The following PTBP1 variants were observed in gnomAD, a reference collection of about 807,000 sequenced individuals.
PTBP1 encodes polypyrimidine tract binding protein 1.
A neutral mutation model predicts 59.8 loss-of-function variants in PTBP1; 8 were observed. The ratio of observed to expected loss-of-function variants is 0.13; its 90% CI spans 0.08 to 0.24. The LOEUF is 0.24. Ranked by LOEUF, PTBP1 falls within the 10% of genes least tolerant of loss-of-function variation. The pLI is 1.00. For missense variants in PTBP1, 686 were observed against 767.0 expected, an observed-to-expected ratio of 0.89 and a Z score of 1.25; for synonymous variants, 490 against 320.7, an observed-to-expected ratio of 1.53 and a Z score of -5.64.
At chr19:797,789 C>G (rs189509960) in intron 1 of PTBP1, among the ~76,000 whole-genome samples, 1 of 148,602 alleles carries the variant, frequency 6.7e-6, no homozygotes, top group African/African-American at 2.4e-5. Context: ...GCGCGCGTCC[C>G]CGCACTTCGC....
intron 2 of PTBP1, among the ~76,000 whole-genome samples, chr19:801,660 C>T (rs2034339560): frequency 6.6e-6 from 1 of 152,244 alleles, no homozygotes; most frequent in Admixed American, 6.5e-5. Flanking sequence ...AGCCTCTGAG[C>T]TGGAGGGGAG....
In PTBP1 at chr19:808,469, GC is replaced by G; in HGVS notation, c.1246+21del. ...CCCAGCTGGGTAAGAGGCCGGGGCGGCCCCGGGGTGGAGGGGGCAGGGGCGG... is the reference window on the plus strand; with the variant it reads ...CCCAGCTGGGTAAGAGGCCGGGGCGGCCCGGGGTGGAGGGGGCAGGGGCGG... On this transcript the variant is annotated intron_variant, in intron 12 of 14. Coordinates refer to ENST00000356948, the MANE Select transcript of PTBP1 (RefSeq NM_002819.5). The surrounding 1 kb of genome is among the most constrained non-coding windows in gnomAD (Gnocchi z 4.7). 6.3e-7 allele frequency: 1 copy of G among 1,580,574 alleles called. No homozygotes were observed. Among genetic ancestry groups the G allele is most frequent in the Non-Finnish European group, 8.6e-7 (1 of 1,164,640 alleles).
At chr19:803,512 G>T (rs559762937) in intron 2 of PTBP1, 49 bp from the exon 3 acceptor site, 1 of 1,538,006 alleles carries the variant, frequency 6.5e-7, no homozygotes, top group Admixed American at 1.7e-5. Context: ...GGGAAGGGAG[G>T]CTCTGGCCTG....
chr19:805,406 G>A (rs2034521026), intron 8 of PTBP1, 86 bp from the exon 9 acceptor site: 10 of 1,389,848 alleles, frequency 7.2e-6, no homozygotes, highest in South Asian at 4.8e-5. Context: ...GCCGCCCGCC[G>A]GCCGGGTTGG....
At position 808,532 on chromosome 19, in the gene PTBP1, T is replaced by G; in HGVS notation, c.1247-14T>G. 6.4e-7 allele frequency: 1 copy of G among 1,572,846 alleles called. No homozygotes were observed. The highest frequency in any genetic ancestry group is 8.6e-7 in the Non-Finnish European group (1 of 1,161,998). Reference sequence around the variant, plus strand: ...CCTCTCGGGCGCCTGGTCACGCGGGTGCTGCTCCCCCAGCCATGAGCCACC... The same window carrying G: ...CCTCTCGGGCGCCTGGTCACGCGGGGGCTGCTCCCCCAGCCATGAGCCACC... On this transcript the variant is annotated splice_polypyrimidine_tract_variant and intron_variant, in intron 12 of 14. Transcript: ENST00000356948. This position sits in a 1 kb window ranked among gnomAD's most constrained non-coding sequence, Gnocchi z 4.7.
At position 805,330 on chromosome 19, in the gene PTBP1, T is replaced by C. The variant is rs2034514391; in HGVS notation, c.892+143T>C. The C allele has an allele frequency of 6.6e-6, 8 of 1,213,102 alleles. No homozygotes were observed. The East Asian group carries it at 1.9e-4, about 29-fold the overall frequency. 75.1% of individuals were successfully genotyped at this position (1,213,102 alleles called of 1,614,324 possible). A position where few individuals can be genotyped will look rare whatever the true frequency, so the allele number is the denominator to read the frequency against. ...GCACGGCCAGCACAGCACGGTCCAG[T>C]GTCCCCCACGTCGGGACCACGGCCC... On this transcript the variant is annotated intron_variant, in intron 8 of 14. Transcript: ENST00000356948.
chr19:803,514 T>C (rs533190719), intron 2 of PTBP1, 47 bp from the exon 3 acceptor site: 2 of 1,551,238 alleles, frequency 1.3e-6, no homozygotes, highest in Non-Finnish European at 1.8e-6. Context: ...GAAGGGAGGC[T>C]CTGGCCTGGT....
Position 812,298 on chromosome 19 carries a change from ATCT to A in PTBP1, c.*1476_*1478del, listed in dbSNP as rs200641173. ...CAGTCTGTACCTGGACTTCGAATAA[ATCT>A]TCTGTATCCTCGCTCCGTTCCGCCT... On this transcript the variant is annotated 3_prime_UTR_variant, in exon 15 of 15. Coordinates refer to ENST00000356948, the MANE Select transcript of PTBP1 (RefSeq NM_002819.5). 0.013 allele frequency: 2,062 copies of A among 158,274 alleles called. 21 individuals are homozygous for A. The highest frequency in any genetic ancestry group is 0.02 in the Non-Finnish European group (1,451 of 73,478). The allele number at this position is 158,274 out of a possible 1,614,324, so 9.8% of individuals were successfully genotyped here.
intron 3 of PTBP1, among the ~76,000 whole-genome samples, 163 bp downstream of exon 3, chr19:803,799 G>A (rs1165015191): frequency 6.6e-6 from 1 of 152,206 alleles, no homozygotes; most frequent in Non-Finnish European, 1.5e-5. Context: ...TTTCCAGGGA[G>A]GCGCTGGATG....
rs1284304389 is a variant in PTBP1 at position 808,676 on chromosome 19, A to T, written c.1377A>T (p.Ser459=). 6.2e-7 allele frequency: 1 copy of T among 1,612,648 alleles called. No homozygotes were observed. The highest frequency in any genetic ancestry group is 1.7e-5 in the Admixed American group (1 of 59,980). ...GCCTGACCAAGGACTACGGCAACTC[A>T]CCCCTGCACCGCTTCAAGAAGCCGG... The part of the protein sequence containing the change: ...DQGLTKDYGN[S]PLHRFKKPGS... Residue 459 remains serine (S), a synonymous_variant, in exon 13 of 15, where the codon TCA becomes TCT. Transcript: ENST00000356948. The surrounding 1 kb of genome is among the most constrained non-coding windows in gnomAD (Gnocchi z 4.7).
intron 13 of PTBP1, among the ~76,000 whole-genome samples, chr19:809,530 C>T (rs918200471): frequency 3.9e-5 from 6 of 152,004 alleles, no homozygotes; most frequent in African/African-American, 1.4e-4. Context: ...CTGTGTTAGC[C>T]AGGATGGTGT....
At chr19:804,970 C>G (rs2034495885) in intron 7 of PTBP1, 31 bp downstream of exon 7, 7 of 1,612,254 alleles carry the variant, frequency 4.3e-6, no homozygotes, top group Non-Finnish European at 5.9e-6. Context: ...GGCGCCCGCC[C>G]TGGCCCTGGC....
At chr19:806,314 G>A (rs2034572094) in intron 9 of PTBP1, 94 bp from the exon 10 acceptor site, 1 of 1,369,788 alleles carries the variant, frequency 7.3e-7, no homozygotes, top group East Asian at 3.0e-5. Flanking sequence ...GCGCGGCTCG[G>A]CTCCTCGGTG....
chr19:812,221 C>A lies in PTBP1; in HGVS notation c.*1395C>A, dbSNP rs901886024. 1 of 152,564 alleles carries A rather than the reference C, an allele frequency of 6.6e-6. No individual in the cohort carries two copies. Among genetic ancestry groups the A allele is most frequent in the African/African-American group, 2.4e-5 (1 of 41,468 alleles). 9.5% of individuals were successfully genotyped at this position (152,564 alleles called of 1,614,324 possible). On this transcript the variant is annotated 3_prime_UTR_variant, in exon 15 of 15. Transcript: ENST00000356948. Reference sequence around the variant, plus strand: ...ACCGATTAAAACCGTTTGAGAAACTCCTCCCTTGTCTAGCCCTGTGTTCGC... The same window carrying A: ...ACCGATTAAAACCGTTTGAGAAACTACTCCCTTGTCTAGCCCTGTGTTCGC...
rs1456428502 is a variant in PTBP1 at position 799,408 on chromosome 19, T to C, written c.9-5T>C. 1.2e-6 allele frequency: 2 copies of C among 1,613,742 alleles called. No homozygotes were observed. The highest frequency in any genetic ancestry group is 1.3e-5 in the African/African-American group (1 of 74,946). ...TAACGTTGTCTCCTTTCTTTCTCTC[T>C]ACAGCATTGTCCCAGATATAGCCGT... is the stretch of plus-strand genomic sequence containing the variant. On this transcript the variant is annotated splice_polypyrimidine_tract_variant and splice_region_variant and intron_variant, in intron 1 of 14. Transcript: ENST00000356948.
rs1225291896 is a variant in PTBP1 at position 808,890 on chromosome 19, C to G, written c.1463+128C>G. 2.4e-6 allele frequency: 2 copies of G among 836,268 alleles called. No individual in the cohort carries two copies. The highest frequency in any genetic ancestry group is 3.8e-6 in the Non-Finnish European group (2 of 524,300). 51.8% of individuals were successfully genotyped at this position (836,268 alleles called of 1,614,324 possible). A position where few individuals can be genotyped will look rare whatever the true frequency, so the allele number is the denominator to read the frequency against. ...AGGTCGGGCACCTCTTACCCCAAAC[C>G]TGAAGTACTGCAAGGCCTGGAGCTT... is the stretch of plus-strand genomic sequence containing the variant. On this transcript the variant is annotated intron_variant, in intron 13 of 14. Coordinates refer to ENST00000356948, the MANE Select transcript of PTBP1 (RefSeq NM_002819.5). This position sits in a 1 kb window ranked among gnomAD's most constrained non-coding sequence, Gnocchi z 4.7.
At chr19:801,900 G>A (rs973416656) in intron 2 of PTBP1, among the ~76,000 whole-genome samples, 2 of 152,196 alleles carry the variant, frequency 1.3e-5, no homozygotes, top group Admixed American at 6.5e-5. Context: ...GAGAGGACTC[G>A]AGGGTCTGTT....
intron 3 of PTBP1, 80 bp from the exon 4 acceptor site, chr19:803,956 G>C: frequency 6.5e-7 from 1 of 1,549,814 alleles, no homozygotes; most frequent in South Asian, 1.1e-5. Flanking sequence ...TAGCAGGCAG[G>C]GCTCTAGGGG....
intron 3 of PTBP1, 58 bp downstream of exon 3, chr19:803,694 T>A: frequency 1.4e-6 from 2 of 1,460,452 alleles, no homozygotes; most frequent in Admixed American, 3.4e-5. Context: ...TGGAACAACG[T>A]TACGTTCTTG....
Sources: gnomAD v4.1 joint callset for allele counts (sites outside exome capture counted in the v4.1 genomes callset) on GRCh38, gnomAD v4.1.1 for gene constraint, Gnocchi (gnomAD v3.1) non-coding constraint, MANE v1.5 for transcripts, NCBI Gene and HGNC (gene_info 2026-07-23, HGNC 2026-07-21) for gene names.